MET: variants seen among roughly 807,000 people sequenced by gnomAD.
MET encodes hepatocyte growth factor receptor.
In MET, 48 loss-of-function variants were observed where a neutral mutation model predicts 133.1. The ratio of observed to expected loss-of-function variants is 0.36; its 90% confidence interval spans 0.29 to 0.46. MET has a LOEUF of 0.46. MET is among the 20% of genes least tolerant of loss of function. The probability of loss-of-function intolerance (pLI) is 1.00; values close to 1 mark genes in which losing one functional copy is unlikely to be tolerated. For missense variants in MET, 1,442 were observed against 1,695.9 expected (o/e 0.85, Z 2.63); for synonymous variants, 628 against 616.5 (o/e 1.02, Z -0.28).
chr7:116,724,702 C>A (rs937922752), intron 2 of MET: 7 of 683,584 alleles, frequency 1.0e-5, no homozygotes, highest in Non-Finnish European at 1.6e-5. Flanking sequence ...GCAAGGGAAG[C>A]TTTTGGAAGC....
chr7:116,760,281 G>A lies in MET; in HGVS notation c.2364+791G>A, dbSNP rs761858361. Among the ~76,000 whole-genome samples, 20 of 151,940 alleles carry A rather than the reference G, an allele frequency of 1.3e-4. No homozygotes were observed. In the South Asian group the frequency reaches 1.5e-3, roughly 11 times the overall value. On this transcript the variant is annotated intron_variant, in intron 10 of 20. Coordinates refer to ENST00000397752, the MANE Select transcript of MET (RefSeq NM_000245.4). ...CCCTGTTCTTCTTATCATTCTTCTTGTCCCTTTGTTAGCTCTTTCTTGAAA... is the reference window on the plus strand; with the variant it reads ...CCCTGTTCTTCTTATCATTCTTCTTATCCCTTTGTTAGCTCTTTCTTGAAA...
At chr7:116,765,800 G>A (rs751942482) in intron 11 of MET, among the ~76,000 whole-genome samples, 13 of 152,162 alleles carry the variant, frequency 8.5e-5, no homozygotes, top group Non-Finnish European at 1.8e-4. Flanking sequence ...GACCCATGAG[G>A]TTGGGAGGTC....
At chr7:116,721,272 G>A (rs1430371443) in intron 2 of MET, among the ~76,000 whole-genome samples, 23 of 152,248 alleles carry the variant, frequency 1.5e-4, no homozygotes, top group African/African-American at 2.9e-4. Context: ...GTTTATTTGC[G>A]TAGAAGTGTT....
chr7:116,695,860 C>T lies in MET; in HGVS notation c.-14-3211C>T, dbSNP rs1166898798. 4 of 433,040 alleles carry T rather than the reference C, an allele frequency of 9.2e-6. No individual in the cohort carries two copies. The Admixed American group carries it at 1.0e-4, about 11-fold the overall frequency. The allele number at this position is 433,040 out of a possible 1,614,324, so 26.8% of individuals were successfully genotyped here. A position where few individuals can be genotyped will look rare whatever the true frequency, so the allele number is the denominator to read the frequency against. ...ATTACATGGCTTTGCCTTACTGAGG[C>T]TTCATCTTGTCCTCTGGTCCAACTA... On this transcript the variant is annotated intron_variant, in intron 1 of 20. Coordinates refer to ENST00000397752, the MANE Select transcript of MET (RefSeq NM_000245.4).
intron 19 of MET, among the ~76,000 whole-genome samples, chr7:116,791,773 T>G (rs1282701050): frequency 6.6e-6 from 1 of 152,218 alleles, no homozygotes; most frequent in African/African-American, 2.4e-5. Context: ...CAAGTGATTC[T>G]TTTACCTCAG....
intron 1 of MET, among the ~76,000 whole-genome samples, chr7:116,685,285 A>G (rs187389410): frequency 6.6e-6 from 1 of 152,126 alleles, no homozygotes; most frequent in Non-Finnish European, 1.5e-5. Flanking sequence ...CTACATGCTG[A>G]CAACTTCTTA....
chr7:116,672,237 C>G lies in MET; in HGVS notation c.-355C>G, dbSNP rs1005443808. On this transcript the variant is annotated 5_prime_UTR_variant, in exon 1 of 21. Coordinates refer to ENST00000397752, the MANE Select transcript of MET (RefSeq NM_000245.4). ...GGGCAGGCGAGCGCCTCAGTCTGGT[C>G]GCCTGGCGGTGCCTCCGGCCCCAAC... Among the ~76,000 whole-genome samples the G allele has an allele frequency of 5.3e-5, 8 of 151,698 alleles. No individual in the cohort carries two copies. The highest frequency in any genetic ancestry group is 4.6e-4 in the Admixed American group (7 of 15,242).
At chr7:116,779,161 ACTTGCTCTGCAAGCAAC>A (rs1351475769) in intron 17 of MET, among the ~76,000 whole-genome samples, 1 of 152,188 alleles carries the variant, frequency 6.6e-6, no homozygotes, top group Non-Finnish European at 1.5e-5. Context: ...AATGATTCTT[ACTTGCTCTGCAAGCAAC>A]CTTGCTCTAC....
In MET at chr7:116,745,523, C is replaced by G. The variant is rs1793637060; in HGVS notation, c.1701+4498C>G. 1.3e-5 allele frequency among the ~76,000 whole-genome samples: 2 copies of G among 152,204 alleles called. 1 individual carries two copies. The highest frequency in any genetic ancestry group is 4.8e-5 in the African/African-American group (2 of 41,450). ...CTGGAGGCATCATGCTACCTGACTT[C>G]AAACTATACTACAAGGCTACAGTAA... On this transcript the variant is annotated intron_variant, in intron 5 of 20. Transcript: ENST00000397752.
chr7:116,788,058 GA>G (rs1490098958), intron 19 of MET, among the ~76,000 whole-genome samples: 2 of 151,902 alleles, frequency 1.3e-5, no homozygotes, highest in African/African-American at 4.8e-5. Context: ...TATGTTAAGT[GA>G]AAAAAAGGCA....
At chr7:116,684,940 A>T (rs1168293105) in intron 1 of MET, among the ~76,000 whole-genome samples, 1 of 152,212 alleles carries the variant, frequency 6.6e-6, no homozygotes, top group African/African-American at 2.4e-5. Context: ...GTAGTAATCC[A>T]GGTATGAAGT....
chr7:116,767,278 TGTCACA>T (rs1794661220), intron 11 of MET, among the ~76,000 whole-genome samples: 1 of 152,172 alleles, frequency 6.6e-6, no homozygotes, highest in African/African-American at 2.4e-5. Context: ...AATAGAAACA[TGTCACA>T]CCTGGCCAGG....
chr7:116,684,738 G>A (rs1466501881), intron 1 of MET, among the ~76,000 whole-genome samples: 1 of 152,184 alleles, frequency 6.6e-6, no homozygotes, highest in Non-Finnish European at 1.5e-5. Context: ...TGGTGTGATG[G>A]CAAGAGGCAA....
At chr7:116,712,287 C>G (rs1400718885) in intron 2 of MET, among the ~76,000 whole-genome samples, 1 of 152,194 alleles carries the variant, frequency 6.6e-6, no homozygotes, top group Non-Finnish European at 1.5e-5. Flanking sequence ...TCCCCTGCCC[C>G]CCATATTCTG....
At chr7:116,776,624 C>T (rs1275486227) in intron 15 of MET, among the ~76,000 whole-genome samples, 1 of 152,182 alleles carries the variant, frequency 6.6e-6, no homozygotes, top group Admixed American at 6.5e-5. Flanking sequence ...TAGTAGAGGG[C>T]AGCCTAATGC....
Position 116,796,174 on chromosome 7 carries a change from T to C in MET, c.*50T>C. On this transcript the variant is annotated 3_prime_UTR_variant, in exon 21 of 21. Transcript: ENST00000397752. The stretch of plus-strand genomic sequence containing the variant: ...GTCCACACTTTGTCCAATGGTTTTT[T>C]CACTGCCTGACCTTTAAAAGGCCAT... The C allele has an allele frequency of 1.9e-6, 3 of 1,546,766 alleles. No individual in the cohort carries two copies. The highest frequency in any genetic ancestry group is 2.7e-6 in the Non-Finnish European group (3 of 1,121,814).
In MET at chr7:116,721,617, C is replaced by T. The variant is rs1470295493; in HGVS notation, c.1201-10051C>T. Among the ~76,000 whole-genome samples, 28 of 152,220 alleles carry T rather than the reference C, an allele frequency of 1.8e-4. No homozygotes were observed. The East Asian group carries it at 5.2e-3, about 28-fold the overall frequency. On this transcript the variant is annotated intron_variant, in intron 2 of 20. Transcript: ENST00000397752. ...GAACTTTCCTGCTTTCTCTTGTGGG[C>T]ATTTAGTGCTATAAATTTCCCTCTC...
At chr7:116,687,516 A>G (rs921187083) in intron 1 of MET, among the ~76,000 whole-genome samples, 4 of 152,236 alleles carry the variant, frequency 2.6e-5, no homozygotes, top group Non-Finnish European at 2.9e-5. Flanking sequence ...GGATTGCATT[A>G]TGTTCACCCA....
At position 116,718,815 on chromosome 7, in the gene MET, C is replaced by T. The variant is rs1278170000; in HGVS notation, c.1201-12853C>T. ...ATTTCATCCATGTCCCTACAAAGGA[C>T]GTGAACTCATCATTTTTTATGGCTG... On this transcript the variant is annotated intron_variant, in intron 2 of 20. Coordinates refer to ENST00000397752, the MANE Select transcript of MET (RefSeq NM_000245.4). Among the ~76,000 whole-genome samples the T allele has an allele frequency of 3.4e-5, 5 of 147,976 alleles. 1 individual carries two copies. The highest frequency in any genetic ancestry group is 6.7e-5 in the Admixed American group (1 of 14,864).
Sources: gnomAD v4.1 joint callset for allele counts (sites outside exome capture counted in the v4.1 genomes callset) on GRCh38, gnomAD v4.1.1 for gene constraint, MANE v1.5 for transcripts, NCBI Gene and HGNC (gene_info 2026-07-23, HGNC 2026-07-21) for gene names.